Variants in FOXN3 observed in about 807,000 individuals in gnomAD.
FOXN3 encodes forkhead box N3.
Under a neutral mutation model 38.4 loss-of-function variants are expected in FOXN3, and 7 were observed. The observed-to-expected ratio is 0.18, with a 90% CI of 0.10 to 0.34. The LOEUF (loss-of-function observed/expected upper bound fraction) is 0.34, where lower values mean the gene tolerates loss of function less well. Ranked by LOEUF, FOXN3 falls within the 10% of genes least tolerant of loss-of-function variation. The pLI, the probability that FOXN3 is intolerant of heterozygous loss-of-function variation, is 1.00. For synonymous variants in FOXN3, 230 were observed against 242.2 expected, an observed-to-expected ratio of 0.95 and a Z score of 0.47; for missense variants, 456 against 613.4, an observed-to-expected ratio of 0.74 and a Z score of 2.71.
intron 1 of FOXN3, among the ~76,000 whole-genome samples, chr14:89,466,259 C>T (rs907634922): frequency 3.5e-4 from 53 of 152,152 alleles, no homozygotes; most frequent in African/African-American, 1.0e-3. Flanking sequence ...CAAGTTGATC[C>T]GCTTAAGGCA....
chr14:89,591,931 A>T (rs986528706), intron 1 of FOXN3, among the ~76,000 whole-genome samples: 2 of 152,202 alleles, frequency 1.3e-5, no homozygotes, highest in African/African-American at 4.8e-5. Context: ...ATTAAAAGTG[A>T]AATGAAAAGC....
chr14:89,459,670 C>T (rs1370787267), intron 1 of FOXN3, among the ~76,000 whole-genome samples: 4 of 152,198 alleles, frequency 2.6e-5, no homozygotes, highest in African/African-American at 9.6e-5. Flanking sequence ...CAGATGGAAG[C>T]ATACCCTTCC....
chr14:89,258,066 TACAC>T (rs137929543), intron 4 of FOXN3, among the ~76,000 whole-genome samples: 1 of 150,748 alleles, frequency 6.6e-6, no homozygotes. Flanking sequence ...TCCTTGAGTG[TACAC>T]ACACACACAC....
At chr14:89,377,553 G>A (rs74830368) in intron 2 of FOXN3, among the ~76,000 whole-genome samples, 2,123 of 152,236 alleles carry the variant, frequency 0.014, 64 homozygotes, top group African/African-American at 0.049. Flanking sequence ...CACATAAAGA[G>A]GAGGCAAATA....
chr14:89,326,625 ATAAT>A (rs1888089392), intron 3 of FOXN3, among the ~76,000 whole-genome samples: 1 of 152,232 alleles, frequency 6.6e-6, no homozygotes, highest in African/African-American at 2.4e-5. Flanking sequence ...CAGGGCTGTA[ATAAT>A]TAATTGAAAA....
At chr14:89,245,856 C>T (rs969310582) in intron 4 of FOXN3, among the ~76,000 whole-genome samples, 1 of 152,158 alleles carries the variant, frequency 6.6e-6, no homozygotes, top group African/African-American at 2.4e-5. Flanking sequence ...GATCAGCCCC[C>T]CATCCCGCAT....
At chr14:89,322,105 C>T (rs146716410) in intron 3 of FOXN3, among the ~76,000 whole-genome samples, 119 of 152,368 alleles carry the variant, frequency 7.8e-4, no homozygotes, top group African/African-American at 2.8e-3. Flanking sequence ...TTCCTCCCGG[C>T]TTGCTGCCGT....
At position 89,462,687 on chromosome 14, in the gene FOXN3, CT is replaced by C. The variant is rs1231830649; in HGVS notation, c.-14-50198del. On this transcript the variant is annotated intron_variant, in intron 1 of 6. Coordinates refer to the FOXN3 transcript ENST00000345097. ...TTCTCAGGTCTCTCTTCCTCTTCTT[CT>C]TTTTTTTTTTTTTTGAGATGGAGTC... 5.4e-3 allele frequency among the ~76,000 whole-genome samples: 753 copies of C among 140,162 alleles called. 3 individuals carry two copies. The highest frequency in any genetic ancestry group is 0.01 in the African/African-American group (400 of 38,582). The allele number at this position is 140,162 out of a possible 152,430, so 92.0% of individuals were successfully genotyped here. A position where few individuals can be genotyped will look rare whatever the true frequency, so the allele number is the denominator to read the frequency against.
At chr14:89,208,810 G>T (rs1410865318) in intron 4 of FOXN3, among the ~76,000 whole-genome samples, 1 of 152,156 alleles carries the variant, frequency 6.6e-6, no homozygotes, top group African/African-American at 2.4e-5. Flanking sequence ...GAATTAGCGG[G>T]CTGGATGGAG....
intron 5 of FOXN3, among the ~76,000 whole-genome samples, chr14:89,176,350 C>T (rs1271881220): frequency 1.3e-5 from 2 of 149,982 alleles, no homozygotes; most frequent in Non-Finnish European, 3.0e-5. Flanking sequence ...TGGCCTTTGC[C>T]ACTCTGTGGA....
chr14:89,235,864 A>G (rs1884964526), intron 4 of FOXN3, among the ~76,000 whole-genome samples: 1 of 134,410 alleles, frequency 7.4e-6, no homozygotes, highest in Non-Finnish European at 1.5e-5. Context: ...TAGCCCCCCA[A>G]GACTGATTTT....
intron 1 of FOXN3, among the ~76,000 whole-genome samples, chr14:89,506,490 C>G (rs1178931308): frequency 6.8e-6 from 1 of 147,202 alleles, no homozygotes; most frequent in Non-Finnish European, 1.5e-5. Context: ...CCGCCCCGTC[C>G]GGGAGGGAGG....
At chr14:89,208,385 A>T (rs945338389) in intron 4 of FOXN3, among the ~76,000 whole-genome samples, 1 of 152,196 alleles carries the variant, frequency 6.6e-6, no homozygotes. Context: ...CTTTAAATAG[A>T]CACAGACTAG....
At chr14:89,448,586 T>C (rs1027407461) in intron 1 of FOXN3, among the ~76,000 whole-genome samples, 2 of 152,136 alleles carry the variant, frequency 1.3e-5, no homozygotes, top group Admixed American at 1.3e-4. Context: ...AATCACTGAT[T>C]TTTCACAATG....
intron 4 of FOXN3, among the ~76,000 whole-genome samples, chr14:89,277,006 T>C (rs556712217): frequency 1.3e-5 from 2 of 152,292 alleles, no homozygotes; most frequent in African/African-American, 4.8e-5. Flanking sequence ...AGGAATGTCT[T>C]TAATTATGAA....
At chr14:89,415,884 C>A (rs199577100) in intron 1 of FOXN3, among the ~76,000 whole-genome samples, 7,603 of 92,802 alleles carry the variant, frequency 0.082, 261 homozygotes, top group Non-Finnish European at 0.11. Flanking sequence ...ACACACACAC[C>A]CTCTTTTGTT....
At chr14:89,426,923 A>C (rs10132458) in intron 1 of FOXN3, among the ~76,000 whole-genome samples, 4,780 of 152,042 alleles carry the variant, frequency 0.031, 251 homozygotes, top group African/African-American at 0.1. Context: ...AGGGAGACAA[A>C]ATTGTGACCG....
At chr14:89,260,695 A>G (rs191025117) in intron 4 of FOXN3, among the ~76,000 whole-genome samples, 1 of 152,354 alleles carries the variant, frequency 6.6e-6, no homozygotes, top group African/African-American at 2.4e-5. Flanking sequence ...GAGGGGCCCA[A>G]CTGAAAGCTT....
intron 1 of FOXN3, among the ~76,000 whole-genome samples, chr14:89,551,936 C>T (rs1405012025): frequency 1.3e-5 from 2 of 152,118 alleles, no homozygotes; most frequent in Admixed American, 1.3e-4. Flanking sequence ...TGCAACACCC[C>T]CAAAAGCTGG....
Sources: allele counts gnomAD v4.1 joint callset (sites outside exome capture counted in the v4.1 genomes callset), GRCh38; gene constraint gnomAD v4.1.1; transcripts MANE v1.5; gene names NCBI Gene and HGNC (gene_info 2026-07-23, HGNC 2026-07-21).